The following HYDIN variants were observed in gnomAD, a reference collection of about 807,000 sequenced individuals.
HYDIN encodes axonemal central pair apparatus protein HYDIN.
In HYDIN, 132 loss-of-function variants were observed where a neutral mutation model predicts 403.9. That is an observed-to-expected ratio of 0.33 (90% confidence interval 0.28 to 0.38). The LOEUF is 0.38. Ranked by LOEUF, HYDIN falls within the 10% of genes least tolerant of loss-of-function variation. The pLI, the probability that HYDIN is intolerant of heterozygous loss-of-function variation, is 1.00. For missense variants in HYDIN, 2,827 were observed against 5,009.5 expected (o/e 0.56, Z 13.15); for synonymous variants, 1,202 against 1,891.7 (o/e 0.64, Z 9.46).
Position 71,027,778 on chromosome 16 carries a change from G to C in HYDIN, c.2866C>G (p.Leu956Val). 8.4e-7 allele frequency: 1 copy of C among 1,183,438 alleles called. No individual in the cohort carries two copies. Among genetic ancestry groups the C allele is most frequent in the Non-Finnish European group, 1.2e-6 (1 of 839,654 alleles). The allele number at this position is 1,183,438 out of a possible 1,614,324, so 73.3% of individuals were successfully genotyped here. A position where few individuals can be genotyped will look rare whatever the true frequency, so the allele number is the denominator to read the frequency against. The part of the protein sequence containing the change: ...MNDSFRPQAK[L>V]SKKGRVKKGH... ...TTCTTAACCCGGCCCTTCTTACTCA[G>C]CTTGGCCTGGGGTCGGAAGCTATCA... The change falls in exon 20 of 86, where the codon CTG becomes GTG. Residue 956 changes from leucine (L) to valine (V), a missense_variant. By Grantham distance (32) the Leu-to-Val change is conservative. Coordinates refer to ENST00000393567, the MANE Select transcript of HYDIN (RefSeq NM_001270974.2).
intron 64 of HYDIN, among the ~76,000 whole-genome samples, chr16:70,872,864 T>C (rs562163813): frequency 6.6e-6 from 1 of 150,604 alleles, no homozygotes; most frequent in African/African-American, 2.5e-5. Context: ...CATCCATCCA[T>C]CCATCATCCA....
intron 23 of HYDIN, among the ~76,000 whole-genome samples, chr16:71,003,858 G>A (rs987021852): frequency 2.0e-5 from 3 of 150,756 alleles, no homozygotes; most frequent in Middle Eastern, 6.9e-3. Flanking sequence ...CTCCTCACTC[G>A]ATTCTTTCAT....
intron 18 of HYDIN, among the ~76,000 whole-genome samples, chr16:71,046,929 T>C (rs974856062): frequency 6.6e-5 from 10 of 151,852 alleles, no homozygotes; most frequent in African/African-American, 2.4e-4. Flanking sequence ...ATAAATCGAG[T>C]TGATGATGAT....
At chr16:70,895,956 C>A in intron 54 of HYDIN, 25 bp downstream of exon 54, 5 of 1,579,392 alleles carry the variant, frequency 3.2e-6, no homozygotes, top group South Asian at 1.2e-5. Flanking sequence ...TTCCAAACAT[C>A]CTGTCCTTGA....
At position 70,809,858 on chromosome 16, in the gene HYDIN, A is replaced by G; in HGVS notation, c.14808T>C (p.Thr4936=). The G allele has an allele frequency of 6.2e-7, 1 of 1,614,246 alleles. No individual in the cohort carries two copies. The highest frequency in any genetic ancestry group is 8.5e-7 in the Non-Finnish European group (1 of 1,180,034). Residue 4936 remains threonine (T), a synonymous_variant, in exon 85 of 86, where the codon ACT becomes ACC. Coordinates refer to ENST00000393567, the MANE Select transcript of HYDIN (RefSeq NM_001270974.2). ...GGATGATTTGGCTGCTGCCAAGGAC[A>G]GTCTGGAAGTGAACAGGCTTTTCCG... ...ALPEKPVHFQ[T]VLGSSQIILV...
chr16:71,156,867 C>T (rs373368963), intron 6 of HYDIN, among the ~76,000 whole-genome samples: 1 of 151,796 alleles, frequency 6.6e-6, no homozygotes, highest in Admixed American at 6.5e-5. Context: ...CTGATACCTA[C>T]TAGAGTTTTA....
At chr16:71,070,470 C>A (rs1322481776) in intron 13 of HYDIN, among the ~76,000 whole-genome samples, 2 of 149,048 alleles carry the variant, frequency 1.3e-5, no homozygotes, top group African/African-American at 5.1e-5. Context: ...AGGTGTGCGC[C>A]ACCATGCACC....
At chr16:70,895,800 A>T (rs1421819564) in intron 54 of HYDIN, among the ~76,000 whole-genome samples, 181 bp downstream of exon 54, 4 of 151,784 alleles carry the variant, frequency 2.6e-5, no homozygotes, top group African/African-American at 7.3e-5. Context: ...CTCTGGTTGG[A>T]GAAATTACGA....
intron 1 of HYDIN, among the ~76,000 whole-genome samples, chr16:71,188,875 G>A (rs2087282486): frequency 6.6e-6 from 1 of 151,976 alleles, no homozygotes; most frequent in African/African-American, 2.4e-5. Flanking sequence ...TAATACCAAA[G>A]AAAATACCAG....
chr16:71,188,430 C>G (rs945169714), intron 1 of HYDIN, among the ~76,000 whole-genome samples: 1 of 152,178 alleles, frequency 6.6e-6, no homozygotes, highest in African/African-American at 2.4e-5. Flanking sequence ...CATTCTATCA[C>G]AGCTGGGTAG....
In HYDIN at chr16:70,981,419, G is replaced by A. The variant is rs372072145; in HGVS notation, c.4482C>T (p.Ile1494=). The change falls in exon 29 of 86, where the codon ATC becomes ATT. Residue 1494 remains isoleucine, a synonymous_variant. Transcript: ENST00000393567. ...TGAGGTTCCTGGGGAGATCGAGGCAGATTTGGGGAAAGATTCCCTCTCCGC... is the reference window on the plus strand; with the variant it reads ...TGAGGTTCCTGGGGAGATCGAGGCAAATTTGGGGAAAGATTCCCTCTCCGC... ...TLSGEGIFPQ[I]CLDLPRNLTA... 20 of 1,613,628 alleles carry A rather than the reference G, an allele frequency of 1.2e-5. No individual in the cohort carries two copies. Among genetic ancestry groups the A allele is most frequent in the Middle Eastern group, 1.7e-4 (1 of 6,024 alleles).
intron 46 of HYDIN, 37 bp downstream of exon 46, chr16:70,920,554 G>T: frequency 1.3e-6 from 2 of 1,529,850 alleles, no homozygotes; most frequent in African/African-American, 1.4e-5. Flanking sequence ...CCTGCTGCCT[G>T]ACTTGAGACT....
chr16:70,823,739 G>T (rs555493528), intron 83 of HYDIN, among the ~76,000 whole-genome samples: 5,120 of 151,596 alleles, frequency 0.034, 284 homozygotes, highest in African/African-American at 0.12. Context: ...GATAGTGAAG[G>T]GAACGCTCAT....
At chr16:71,178,472 C>T in intron 4 of HYDIN, among the ~76,000 whole-genome samples, 1 of 145,912 alleles carries the variant, frequency 6.9e-6, no homozygotes. Context: ...TATACACACA[C>T]ACATACATAT....
intron 29 of HYDIN, among the ~76,000 whole-genome samples, chr16:70,979,324 A>G (rs2078976454): frequency 6.6e-6 from 1 of 150,734 alleles, no homozygotes; most frequent in Middle Eastern, 3.2e-3. Context: ...AGACACTCAT[A>G]GGGTGACCCA....
intron 10 of HYDIN, among the ~76,000 whole-genome samples, chr16:71,097,513 T>C (rs2083307650): frequency 6.8e-6 from 1 of 147,904 alleles, no homozygotes; most frequent in Non-Finnish European, 1.5e-5. Flanking sequence ...AAAGAGTTAA[T>C]TCACATTACT....
intron 55 of HYDIN, 27 bp downstream of exon 55, chr16:70,894,422 C>G: frequency 6.2e-7 from 1 of 1,609,996 alleles, no homozygotes. Context: ...GACTTGATGG[C>G]CTTACATCTG....
intron 1 of HYDIN, among the ~76,000 whole-genome samples, chr16:71,199,083 G>A (rs375847454): frequency 6.6e-6 from 1 of 152,162 alleles, no homozygotes; most frequent in East Asian, 1.9e-4. Context: ...TTACTAATGA[G>A]ACGGCGTATC....
At chr16:71,051,732 T>C (rs2081656413) in intron 18 of HYDIN, among the ~76,000 whole-genome samples, 1 of 151,758 alleles carries the variant, frequency 6.6e-6, no homozygotes, top group South Asian at 2.1e-4. Flanking sequence ...TACTCTAACC[T>C]CTACTATTCA....
Sources: allele counts gnomAD v4.1 joint callset (sites outside exome capture counted in the v4.1 genomes callset), GRCh38; gene constraint gnomAD v4.1.1; transcripts MANE v1.5; gene names NCBI Gene and HGNC (gene_info 2026-07-23, HGNC 2026-07-21).